Variants in EPN2 observed in about 807,000 individuals in gnomAD.
The protein encoded by EPN2 is epsin-2.
In EPN2, 34 loss-of-function variants were observed where a neutral mutation model predicts 61.7. The observed-to-expected ratio is 0.55, with a 90% CI of 0.42 to 0.73. The LOEUF is 0.73. Ranked by LOEUF, EPN2 falls within the 30% of genes least tolerant of loss-of-function variation. The pLI, the probability that EPN2 is intolerant of heterozygous loss-of-function variation, is 0.00. For missense variants in EPN2, 714 were observed against 839.2 expected (o/e 0.85, Z 1.84); for synonymous variants, 349 against 353.6 (o/e 0.99, Z 0.15).
chr17:19,330,467 T>G (rs1000168341), intron 9 of EPN2: 1 of 152,316 alleles, frequency 6.6e-6, no homozygotes, highest in African/African-American at 2.4e-5. Context: ...CTGGCACCGT[T>G]GACCCTGCTC....
chr17:19,289,433 G>A (rs2045438395), intron 4 of EPN2, among the ~76,000 whole-genome samples: 2 of 152,016 alleles, frequency 1.3e-5, no homozygotes, highest in Admixed American at 1.3e-4. Context: ...CTAGAGGACT[G>A]GGCAGAGTGA....
At position 19,313,253 on chromosome 17, in the gene EPN2, G is replaced by T; in HGVS notation, c.1121G>T (p.Ser374Ile). Residue 374 changes from serine to isoleucine, a missense_variant, in exon 7 of 11, where the codon AGT becomes ATT. This residue lies in a region of EPN2 where 410 missense variants were observed against 421.8 expected (regional missense o/e 0.97). Coordinates refer to ENST00000314728, the MANE Select transcript of EPN2 (RefSeq NM_014964.5). Reference sequence around the variant, plus strand: ...TGGGGCGGGCCAGCGGCTCCTGCGAGTACTTCAGACCCCTGGCCATCGTTT... The same window carrying T: ...TGGGGCGGGCCAGCGGCTCCTGCGATTACTTCAGACCCCTGGCCATCGTTT... ...NPWGGPAAPASTSDPWPSFGT... is the reference protein window; with the variant it reads ...NPWGGPAAPAITSDPWPSFGT... 6.3e-7 allele frequency: 1 copy of T among 1,578,516 alleles called. No individual in the cohort carries two copies. The highest frequency in any genetic ancestry group is 8.6e-7 in the Non-Finnish European group (1 of 1,165,930).
At chr17:19,255,565 T>C (rs2152204984) in intron 1 of EPN2, among the ~76,000 whole-genome samples, 1 of 148,392 alleles carries the variant, frequency 6.7e-6, no homozygotes, top group Non-Finnish European at 1.5e-5. Flanking sequence ...GGAGAGTTTT[T>C]TTTTTTTTTT....
At chr17:19,316,907 G>A (rs1441776356) in intron 7 of EPN2, among the ~76,000 whole-genome samples, 1 of 152,196 alleles carries the variant, frequency 6.6e-6, no homozygotes, top group African/African-American at 2.4e-5. Flanking sequence ...CAGGAGAATG[G>A]CCCTCTGCTA....
rs572014365 is a variant in EPN2, at chr17:19,263,605, T to C, written c.-293-18350T>C. Among the ~76,000 whole-genome samples the C allele has an allele frequency of 2.6e-5, 4 of 152,378 alleles. No individual in the cohort carries two copies. In the East Asian group the frequency reaches 7.7e-4, roughly 29 times the overall value. ...GTGGCTGAGAGCTTCATCCCAGTTC[T>C]GTGATTTGCTGTATGTTATCCTCTC... On this transcript the variant is annotated intron_variant, in intron 1 of 10. Transcript: ENST00000314728.
At chr17:19,271,203 A>T (rs554265085) in intron 1 of EPN2, among the ~76,000 whole-genome samples, 1 of 152,238 alleles carries the variant, frequency 6.6e-6, no homozygotes, top group East Asian at 1.9e-4. Flanking sequence ...ACAGGCACAT[A>T]AGAAATGTCA....
intron 7 of EPN2, among the ~76,000 whole-genome samples, chr17:19,314,332 G>A (rs869068265): frequency 6.6e-6 from 1 of 150,932 alleles, no homozygotes; most frequent in African/African-American, 2.4e-5. Flanking sequence ...TGTGAGGTAA[G>A]CATTTTGGAG....
chr17:19,319,078 A>G (rs940065203), intron 7 of EPN2, among the ~76,000 whole-genome samples: 3 of 151,698 alleles, frequency 2.0e-5, no homozygotes, highest in Non-Finnish European at 2.9e-5. Context: ...TGTGCCTGTA[A>G]TCCCAGCTAC....
At chr17:19,265,379 A>G (rs1256221782) in intron 1 of EPN2, among the ~76,000 whole-genome samples, 1 of 58,344 alleles carries the variant, frequency 1.7e-5, no homozygotes, top group Non-Finnish European at 2.4e-5. Flanking sequence ...CTTTCTCAGG[A>G]AAAAAAAAAA....
chr17:19,238,621 C>T (rs1271529615), intron 1 of EPN2, among the ~76,000 whole-genome samples: 3 of 152,122 alleles, frequency 2.0e-5, no homozygotes, highest in Non-Finnish European at 4.4e-5. Context: ...AGTAATTTGC[C>T]CAAGGTCACG....
chr17:19,302,731 G>A (rs561662448), intron 4 of EPN2, among the ~76,000 whole-genome samples: 1 of 152,230 alleles, frequency 6.6e-6, no homozygotes, highest in East Asian at 1.9e-4. Flanking sequence ...AACCATCCCC[G>A]ACCCCACCCC....
At chr17:19,325,628 A>C (rs888947365) in intron 7 of EPN2, among the ~76,000 whole-genome samples, 4 of 152,230 alleles carry the variant, frequency 2.6e-5, no homozygotes, top group African/African-American at 9.6e-5. Flanking sequence ...CATTGAACTT[A>C]ATGGTAAAAT....
chr17:19,310,778 A>C (rs1003189223), intron 5 of EPN2, among the ~76,000 whole-genome samples: 3 of 151,804 alleles, frequency 2.0e-5, no homozygotes, highest in African/African-American at 4.8e-5. Flanking sequence ...GGGTTTCACC[A>C]TGTTGGTCGG....
At chr17:19,286,542 G>A (rs1156359542) in intron 4 of EPN2, among the ~76,000 whole-genome samples, 1 of 152,156 alleles carries the variant, frequency 6.6e-6, no homozygotes, top group Non-Finnish European at 1.5e-5. Context: ...TCCCAAGTGG[G>A]TTCTCTGCTA....
rs1020528898 is a variant in EPN2 at position 19,285,402 on chromosome 17, G to A, written c.596-218G>A. Among the ~76,000 whole-genome samples the A allele has an allele frequency of 2.0e-5, 3 of 152,230 alleles. No homozygotes were observed. The highest frequency in any genetic ancestry group is 7.2e-5 in the African/African-American group (3 of 41,460). On this transcript the variant is annotated intron_variant, in intron 3 of 10. Transcript: ENST00000314728. The surrounding 1 kb of genome is among the most constrained non-coding windows in gnomAD (Gnocchi z 4.5). ...AGGTCCTGCTGGGCTAAATGATACT[G>A]CTGCAGTTCCAGCTGTGATGTTTTT...
At chr17:19,247,396 CAG>C (rs1172130702) in intron 1 of EPN2, among the ~76,000 whole-genome samples, 2 of 152,046 alleles carry the variant, frequency 1.3e-5, no homozygotes, top group Non-Finnish European at 2.9e-5. Context: ...GATTCTTTGT[CAG>C]GGGGTCAAGA....
intron 4 of EPN2, among the ~76,000 whole-genome samples, chr17:19,288,620 G>A (rs1026812619): frequency 6.6e-6 from 1 of 152,158 alleles, no homozygotes; most frequent in Non-Finnish European, 1.5e-5. Context: ...GTGAGGTGGC[G>A]ATGAGTGACG....
chr17:19,317,788 G>T (rs1906457838), intron 7 of EPN2, among the ~76,000 whole-genome samples: 1 of 152,218 alleles, frequency 6.6e-6, no homozygotes, highest in Non-Finnish European at 1.5e-5. Flanking sequence ...AAGCCTTGCA[G>T]CGGATCTACT....
At chr17:19,293,004 C>T (rs1468964893) in intron 4 of EPN2, among the ~76,000 whole-genome samples, 3 of 152,204 alleles carry the variant, frequency 2.0e-5, no homozygotes, top group Non-Finnish European at 4.4e-5. Flanking sequence ...TAGGCAAATA[C>T]GGTGTACACC....
Sources: allele counts gnomAD v4.1 joint callset (sites outside exome capture counted in the v4.1 genomes callset), GRCh38; gene constraint gnomAD v4.1.1; regional missense constraint gnomAD v4.1.1; non-coding constraint Gnocchi (gnomAD v3.1); transcripts MANE v1.5; gene names NCBI Gene and HGNC (gene_info 2026-07-23, HGNC 2026-07-21).